Variants in NEGR1 observed in about 807,000 individuals in gnomAD.
The protein encoded by NEGR1 is IgLON family member 4.
A neutral mutation model predicts 40.9 loss-of-function variants in NEGR1; 10 were observed. That is an observed-to-expected ratio of 0.24 (90% confidence interval 0.15 to 0.42). The LOEUF (loss-of-function observed/expected upper bound fraction) is 0.42. Ranked by LOEUF, NEGR1 falls within the 10% of genes least tolerant of loss-of-function variation. The pLI, the probability that NEGR1 is intolerant of heterozygous loss-of-function variation, is 1.00. For missense variants in NEGR1, 352 were observed against 438.9 expected, an observed-to-expected ratio of 0.80 and a Z score of 1.77; for synonymous variants, 185 against 166.8, an observed-to-expected ratio of 1.11 and a Z score of -0.84.
intron 1 of NEGR1, among the ~76,000 whole-genome samples, chr1:71,986,001 C>T (rs564665175): frequency 4.3e-4 from 65 of 152,178 alleles, no homozygotes; most frequent in African/African-American, 1.4e-3. Context: ...TAACTGAGAA[C>T]ATATTTAAGA....
At chr1:71,761,658 T>G (rs1655946337) in intron 3 of NEGR1, among the ~76,000 whole-genome samples, 1 of 152,130 alleles carries the variant, frequency 6.6e-6, no homozygotes, top group Non-Finnish European at 1.5e-5. Context: ...GCTCCCTCAA[T>G]GTTAAATAAT....
At chr1:71,951,076 T>C (rs1331009021) in intron 1 of NEGR1, among the ~76,000 whole-genome samples, 1 of 151,956 alleles carries the variant, frequency 6.6e-6, no homozygotes, top group Non-Finnish European at 1.5e-5. Context: ...GGCTATAAAA[T>C]AAATATAAGA....
chr1:71,840,783 T>G (rs576200880), intron 2 of NEGR1, among the ~76,000 whole-genome samples: 2 of 152,276 alleles, frequency 1.3e-5, no homozygotes, highest in East Asian at 3.9e-4. Flanking sequence ...TTCCAGTTGT[T>G]TCTGTGAGAA....
intron 1 of NEGR1, among the ~76,000 whole-genome samples, chr1:72,102,486 GA>G (rs1458642661): frequency 2.0e-5 from 3 of 152,018 alleles, no homozygotes; most frequent in Non-Finnish European, 4.4e-5. Flanking sequence ...TATAAAATGG[GA>G]GAAAATAGCA....
chr1:71,878,662 G>A (rs2101840468), intron 2 of NEGR1, among the ~76,000 whole-genome samples: 1 of 150,366 alleles, frequency 6.7e-6, no homozygotes, highest in Admixed American at 6.7e-5. Context: ...ACATGAAATA[G>A]TTGCAGTTAC....
At chr1:71,938,604 G>A (rs933871927) in intron 1 of NEGR1, among the ~76,000 whole-genome samples, 4 of 151,924 alleles carry the variant, frequency 2.6e-5, no homozygotes, top group African/African-American at 9.7e-5. Flanking sequence ...GGTACAATGG[G>A]GTGGAGGGTG....
intron 6 of NEGR1, among the ~76,000 whole-genome samples, chr1:71,429,973 T>TGCCA (rs1285966332): frequency 6.6e-6 from 1 of 152,192 alleles, no homozygotes; most frequent in Non-Finnish European, 1.5e-5. Flanking sequence ...CAAGGCCTTT[T>TGCCA]GCCAGCCCCT....
chr1:71,764,844 C>T (rs775263795), intron 3 of NEGR1, among the ~76,000 whole-genome samples: 4 of 152,078 alleles, frequency 2.6e-5, no homozygotes, highest in Non-Finnish European at 5.9e-5. Context: ...ATGAGCTGAT[C>T]GAAAATCAGA....
At chr1:71,432,227 A>C (rs994664398) in intron 6 of NEGR1, among the ~76,000 whole-genome samples, 1 of 152,198 alleles carries the variant, frequency 6.6e-6, no homozygotes, top group South Asian at 2.1e-4. Context: ...GATGGGAAGC[A>C]AAAGAGACAA....
intron 1 of NEGR1, among the ~76,000 whole-genome samples, chr1:72,166,368 A>G (rs1570068257): frequency 6.6e-6 from 1 of 152,108 alleles, no homozygotes; most frequent in Non-Finnish European, 1.5e-5. Flanking sequence ...AACTGTATGG[A>G]GGTTCCTCAG....
intron 4 of NEGR1, among the ~76,000 whole-genome samples, chr1:71,658,489 T>C (rs1209098704): frequency 2.6e-5 from 4 of 152,170 alleles, no homozygotes. Flanking sequence ...GCCAGATTTC[T>C]CAATTGCTTA....
chr1:71,452,280 C>T (rs370619911), intron 6 of NEGR1, among the ~76,000 whole-genome samples: 1 of 152,326 alleles, frequency 6.6e-6, no homozygotes, highest in African/African-American at 2.4e-5. Context: ...TATCACTACA[C>T]ATTACATTTG....
intron 1 of NEGR1, among the ~76,000 whole-genome samples, chr1:72,013,168 A>AATTAACTT (rs1370089730): frequency 2.0e-5 from 3 of 152,028 alleles, no homozygotes; most frequent in Admixed American, 2.0e-4. Context: ...CAGAGACAAA[A>AATTAACTT]ATTAACTTGT....
At position 71,744,375 on chromosome 1, in the gene NEGR1, T is replaced by TAAG. The variant is rs1375235826; in HGVS notation, c.535+31794_535+31796dup. Among the ~76,000 whole-genome samples the TAAG allele has an allele frequency of 4.3e-3, 630 of 145,832 alleles. 3 individuals carry two copies. Among genetic ancestry groups the TAAG allele is most frequent in the Non-Finnish European group, 7.2e-3 (484 of 66,944 alleles). ...ATAATAATAATAATAATAATAATAATAAGCCAGGCAGGTTTAAAAACAACA... is the reference window on the plus strand; with the variant it reads ...ATAATAATAATAATAATAATAATAATAAGAAGCCAGGCAGGTTTAAAAACAACA... On this transcript the variant is annotated intron_variant, in intron 3 of 6. Transcript: ENST00000357731.
intron 2 of NEGR1, among the ~76,000 whole-genome samples, chr1:71,827,677 A>G (rs1455273884): frequency 6.6e-6 from 1 of 151,952 alleles, no homozygotes; most frequent in Non-Finnish European, 1.5e-5. Flanking sequence ...TCCAAAATTA[A>G]CTAGATAAAG....
intron 2 of NEGR1, among the ~76,000 whole-genome samples, chr1:71,927,818 TAAAAAAAAAAAA>T (rs35429988): frequency 0.034 from 763 of 22,420 alleles, 26 homozygotes; most frequent in African/African-American, 0.14. Context: ...ACCCAATCTC[TAAAAAAAAAAAA>T]AAAAAAAAAA....
chr1:71,730,506 A>C (rs1422249924), intron 3 of NEGR1, among the ~76,000 whole-genome samples: 1 of 148,122 alleles, frequency 6.8e-6, no homozygotes, highest in Admixed American at 6.8e-5. Context: ...AATTTTATTG[A>C]ATATATATGT....
rs552840248 is a variant in NEGR1 at position 71,886,412 on chromosome 1, T to G, written c.409+48667A>C. Reference sequence around the variant, plus strand: ...GTAATAGCATATTACCCTTTGTGACTTCAGATTATATATTAAATGACCAGT... The same window carrying G: ...GTAATAGCATATTACCCTTTGTGACGTCAGATTATATATTAAATGACCAGT... On this transcript the variant is annotated intron_variant, in intron 2 of 6. Transcript: ENST00000357731. Among the ~76,000 whole-genome samples the G allele has an allele frequency of 3.0e-3, 454 of 151,842 alleles. 4 individuals carry two copies. Among genetic ancestry groups the G allele is most frequent in the African/African-American group, 0.011 (436 of 41,394 alleles).
At chr1:71,926,598 A>G (rs555726767) in intron 2 of NEGR1, among the ~76,000 whole-genome samples, 107 of 152,156 alleles carry the variant, frequency 7.0e-4, no homozygotes, top group Admixed American at 1.1e-3. Context: ...TAGGAAAAAA[A>G]AAAAGAGATG....
Sources: gnomAD v4.1 joint callset for allele counts (sites outside exome capture counted in the v4.1 genomes callset) on GRCh38, gnomAD v4.1.1 for gene constraint, MANE v1.5 for transcripts, NCBI Gene and HGNC (gene_info 2026-07-23, HGNC 2026-07-21) for gene names.